NEK11: variants seen among roughly 807,000 people sequenced by gnomAD.
NEK11 encodes the protein serine/threonine-protein kinase Nek11.
A neutral mutation model predicts 80.7 loss-of-function variants in NEK11; 72 were observed. That is an observed-to-expected ratio of 0.89 (90% CI 0.74 to 1.08). The LOEUF (loss-of-function observed/expected upper bound fraction) is 1.08, where lower values mean the gene tolerates loss of function less well. Among genes scored for constraint, NEK11 ranks in the 50% least tolerant of loss-of-function variants. NEK11 has a pLI of 0.00. For missense variants in NEK11, 764 were observed against 763.6 expected, an observed-to-expected ratio of 1.00 and a Z score of -0.01; for synonymous variants, 251 against 260.7, an observed-to-expected ratio of 0.96 and a Z score of 0.36.
intron 14 of NEK11, among the ~76,000 whole-genome samples, chr3:131,219,961 A>T (rs2094963950): frequency 6.6e-6 from 1 of 152,222 alleles, no homozygotes; most frequent in Non-Finnish European, 1.5e-5. Context: ...CACACAGCCA[A>T]TAAGCAACGG....
At position 131,273,564 on chromosome 3, in the gene NEK11, C is replaced by T. The variant is rs144676044; in HGVS notation, c.1708C>T (p.Arg570Cys). Residue 570 changes from arginine (R) to cysteine (C), a missense_variant, in exon 17 of 18, where the codon CGC (arginine) becomes TGC (cysteine). Coordinates refer to ENST00000383366, the MANE Select transcript of NEK11 (RefSeq NM_024800.5). Reference protein sequence around the residue: ...NSVMARTKMKRMRESAMQKLG... With the variant: ...NSVMARTKMKCMRESAMQKLG... The stretch of plus-strand genomic sequence containing the variant: ...TGTGATGGCCAGGACCAAGATGAAA[C>T]GCATGAGGGAGTAAGTAGCATGTTG... 1.5e-4 allele frequency: 245 copies of T among 1,613,234 alleles called. No homozygotes were observed. The highest frequency in any genetic ancestry group is 7.4e-4 in the East Asian group (33 of 44,866).
At chr3:131,200,564 T>A (rs1034810573) in intron 14 of NEK11, among the ~76,000 whole-genome samples, 7 of 152,224 alleles carry the variant, frequency 4.6e-5, no homozygotes, top group African/African-American at 7.2e-5. Context: ...ACATAGAAAT[T>A]GACCCTTCTG....
At chr3:131,176,211 G>A (rs1005940428) in intron 14 of NEK11, among the ~76,000 whole-genome samples, 17 of 152,172 alleles carry the variant, frequency 1.1e-4, no homozygotes, top group African/African-American at 3.6e-4. Flanking sequence ...AACAAAAGGT[G>A]ATAGCTCAGA....
At chr3:131,345,010 G>A (rs1473993149) in intron 17 of NEK11, among the ~76,000 whole-genome samples, 8 of 152,086 alleles carry the variant, frequency 5.3e-5, no homozygotes, top group Admixed American at 5.2e-4. Flanking sequence ...CTGTTGTGAT[G>A]TCTCCACTTT....
chr3:131,264,899 G>GTTTGTAGT (rs1157004699), intron 16 of NEK11, among the ~76,000 whole-genome samples: 3 of 152,074 alleles, frequency 2.0e-5, no homozygotes, highest in African/African-American at 7.2e-5. Flanking sequence ...TTGAACAGTG[G>GTTTGTAGT]TTTGTAGTTC....
intron 14 of NEK11, among the ~76,000 whole-genome samples, chr3:131,197,686 A>G (rs902791942): frequency 6.6e-6 from 1 of 151,884 alleles, no homozygotes; most frequent in Non-Finnish European, 1.5e-5. Flanking sequence ...CAGGCAAAAT[A>G]TTTTTCCTTC....
chr3:131,195,212 T>C (rs778793820), intron 14 of NEK11, among the ~76,000 whole-genome samples: 1 of 152,134 alleles, frequency 6.6e-6, no homozygotes, highest in Non-Finnish European at 1.5e-5. Context: ...AGAAAAACTT[T>C]CACGTGGCCT....
intron 3 of NEK11, among the ~76,000 whole-genome samples, chr3:131,047,264 A>C (rs1198766220): frequency 6.6e-6 from 1 of 152,106 alleles, no homozygotes; most frequent in Non-Finnish European, 1.5e-5. Context: ...GACCTCCTGA[A>C]TTCTTTTTCT....
chr3:131,299,329 A>C (rs1371787283), intron 17 of NEK11, among the ~76,000 whole-genome samples: 2 of 152,104 alleles, frequency 1.3e-5, no homozygotes, highest in Non-Finnish European at 2.9e-5. Context: ...TAGCCTCCTG[A>C]GTAGCTGGGA....
intron 17 of NEK11, among the ~76,000 whole-genome samples, chr3:131,314,149 G>A (rs1410031154): frequency 2.0e-5 from 3 of 151,408 alleles, no homozygotes; most frequent in Admixed American, 1.3e-4. Flanking sequence ...GTGTGTGTGT[G>A]TGTGTCTTGC....
At chr3:131,312,350 ATGGAAAGCCATGACCT>A (rs1454018970) in intron 17 of NEK11, among the ~76,000 whole-genome samples, 14 of 152,218 alleles carry the variant, frequency 9.2e-5, no homozygotes, top group Admixed American at 3.3e-4. Flanking sequence ...TAATGGACTC[ATGGAAAGCCATGACCT>A]TGGGGCAATG....
intron 17 of NEK11, among the ~76,000 whole-genome samples, chr3:131,337,169 T>G (rs1247352279): frequency 1.3e-5 from 2 of 152,210 alleles, no homozygotes; most frequent in Non-Finnish European, 2.9e-5. Flanking sequence ...TGCACACGTA[T>G]GTTTATTGTG....
chr3:131,117,189 C>T (rs1269591654), intron 5 of NEK11, among the ~76,000 whole-genome samples: 1 of 152,200 alleles, frequency 6.6e-6, no homozygotes, highest in Admixed American at 6.5e-5. Flanking sequence ...CAGCTTTCTA[C>T]TTATGGCTAG....
At chr3:131,080,039 T>TTGTGTG (rs34144326) in intron 3 of NEK11, among the ~76,000 whole-genome samples, 22,934 of 148,826 alleles carry the variant, frequency 0.15, 1,828 homozygotes, top group Middle Eastern at 0.19. Context: ...GTGTGTGTGT[T>TTGTGTG]TGTGTGTGTG....
At chr3:131,166,230 C>G (rs537539429) in intron 12 of NEK11, among the ~76,000 whole-genome samples, 1 of 152,360 alleles carries the variant, frequency 6.6e-6, no homozygotes, top group East Asian at 1.9e-4. Flanking sequence ...TTATAGAGAA[C>G]TTCTACTGTC....
intron 4 of NEK11, among the ~76,000 whole-genome samples, chr3:131,087,495 G>A (rs4682650): frequency 0.32 from 47,985 of 151,976 alleles, 9,354 homozygotes; most frequent in Middle Eastern, 0.49. Flanking sequence ...GCCCACGTCA[G>A]CCTCCCAAAG....
intron 17 of NEK11, among the ~76,000 whole-genome samples, chr3:131,292,100 G>T (rs1362797211): frequency 6.6e-6 from 1 of 152,164 alleles, no homozygotes; most frequent in Non-Finnish European, 1.5e-5. Context: ...TCTTGTGAAG[G>T]GTGTAAGGTC....
At chr3:131,114,503 G>T (rs574171948) in intron 5 of NEK11, among the ~76,000 whole-genome samples, 1 of 152,164 alleles carries the variant, frequency 6.6e-6, no homozygotes, top group Non-Finnish European at 1.5e-5. Context: ...CAAACTGAAG[G>T]AGCAGCCCTA....
intron 3 of NEK11, among the ~76,000 whole-genome samples, chr3:131,034,316 T>C (rs1408121868): frequency 6.6e-6 from 1 of 152,240 alleles, no homozygotes; most frequent in African/African-American, 2.4e-5. Flanking sequence ...TTTATCACAT[T>C]TAAGATATAG....
Sources: gnomAD v4.1 joint callset for allele counts (sites outside exome capture counted in the v4.1 genomes callset) on GRCh38, gnomAD v4.1.1 for gene constraint, MANE v1.5 for transcripts, NCBI Gene and HGNC (gene_info 2026-07-23, HGNC 2026-07-21) for gene names.